Variants in FRMD4B observed in about 807,000 individuals in gnomAD.
The protein encoded by FRMD4B is FERM domain containing 4B.
In FRMD4B, 74 loss-of-function variants were observed where a neutral mutation model predicts 141.5. That is an observed-to-expected ratio of 0.52 (90% confidence interval 0.43 to 0.63). FRMD4B has a LOEUF of 0.63. Ranked by LOEUF, FRMD4B falls within the 30% of genes least tolerant of loss-of-function variation. FRMD4B has a pLI of 0.00. For synonymous variants in FRMD4B, 506 were observed against 467.9 expected (o/e 1.08, Z -1.05); for missense variants, 1,366 against 1,253.4 (o/e 1.09, Z -1.36).
At position 69,278,776 on chromosome 3, in the gene FRMD4B, A is replaced by G. The variant is rs375228828; in HGVS notation, c.501+8976T>C. Among the ~76,000 whole-genome samples, 147 of 151,768 alleles carry G rather than the reference A, an allele frequency of 9.7e-4. 3 individuals are homozygous for G. Among genetic ancestry groups the G allele is most frequent in the African/African-American group, 3.3e-3 (138 of 41,354 alleles). On this transcript the variant is annotated intron_variant, in intron 5 of 22. Transcript: ENST00000398540. ...TAATTTTTTTTTATTTTTTGTAGAG[A>G]CGGGGTTTCACCACGTTGTCCAGGC...
intron 1 of FRMD4B, among the ~76,000 whole-genome samples, chr3:69,445,670 C>A (rs1176504401): frequency 1.3e-5 from 2 of 152,186 alleles, no homozygotes; most frequent in African/African-American, 4.8e-5. Context: ...CAAGTCCATT[C>A]TCACTGCAGG....
At chr3:69,283,477 A>G (rs1318197890) in intron 5 of FRMD4B, among the ~76,000 whole-genome samples, 1 of 151,700 alleles carries the variant, frequency 6.6e-6, no homozygotes, top group Non-Finnish European at 1.5e-5. Flanking sequence ...ACTGACATTC[A>G]TGAAATGCAG....
intron 1 of FRMD4B, chr3:69,353,839 A>G (rs181516150): frequency 3.0e-6 from 1 of 330,482 alleles, no homozygotes; most frequent in East Asian, 1.7e-4. Context: ...AAACAACTAA[A>G]AAACTTCTGC....
chr3:69,272,842 A>T (rs1226637696), intron 5 of FRMD4B, among the ~76,000 whole-genome samples: 2 of 152,232 alleles, frequency 1.3e-5, no homozygotes, highest in African/African-American at 2.4e-5. Context: ...GGCATTATAA[A>T]TATGGATAGT....
Position 69,201,683 on chromosome 3 carries a change from T to C in FRMD4B, c.877-2909A>G, listed in dbSNP as rs116106599. Among the ~76,000 whole-genome samples the C allele has an allele frequency of 5.2e-3, 787 of 152,312 alleles. 9 individuals are homozygous for C. The highest frequency in any genetic ancestry group is 0.018 in the African/African-American group (758 of 41,566). On this transcript the variant is annotated intron_variant, in intron 11 of 22. Transcript: ENST00000398540. ...TGCTGAAATCATTCTCCTACTGTGT[T>C]TTTTATTTCTGGACTCTTCATATCC...
chr3:69,223,477 T>C (rs2093218407), intron 8 of FRMD4B, among the ~76,000 whole-genome samples: 1 of 152,204 alleles, frequency 6.6e-6, no homozygotes, highest in South Asian at 2.1e-4. Flanking sequence ...ATTGTGCCAT[T>C]ATATTCCAGC....
rs879598264 is a variant in FRMD4B at position 69,192,823 on chromosome 3, C to CT, written c.1714+824dup. On this transcript the variant is annotated intron_variant, in intron 17 of 22. Transcript: ENST00000398540. Reference sequence around the variant, plus strand: ...TATCTTTATTTTTTAATTTTGTTCACTTTTTTTTTTTTGAGGCAGGGTCTT... The same window carrying CT: ...TATCTTTATTTTTTAATTTTGTTCACTTTTTTTTTTTTTGAGGCAGGGTCTT... Among the ~76,000 whole-genome samples, 959 of 144,612 alleles carry CT rather than the reference C, an allele frequency of 6.6e-3. 7 individuals are homozygous for CT. Among genetic ancestry groups the CT allele is most frequent in the East Asian group, 0.013 (63 of 5,000 alleles). The allele number at this position is 144,612 out of a possible 152,430, so 94.9% of individuals were successfully genotyped here. A position where few individuals can be genotyped will look rare whatever the true frequency, so the allele number is the denominator to read the frequency against.
intron 1 of FRMD4B, among the ~76,000 whole-genome samples, chr3:69,351,433 TTAG>T (rs550412811): frequency 1.1e-3 from 173 of 152,312 alleles, no homozygotes; most frequent in African/African-American, 3.9e-3. Flanking sequence ...AGAAAGTGTT[TTAG>T]TATGGTTTTA....
chr3:69,185,322 G>GAAA (rs1201525604), intron 19 of FRMD4B, among the ~76,000 whole-genome samples: 1 of 140,604 alleles, frequency 7.1e-6, no homozygotes, highest in Non-Finnish European at 1.6e-5. Flanking sequence ...AAAAAGAAAA[G>GAAA]AAAAAAAGAA....
At chr3:69,341,285 A>T (rs1291639479) in intron 1 of FRMD4B, among the ~76,000 whole-genome samples, 12 of 152,154 alleles carry the variant, frequency 7.9e-5, no homozygotes, top group Admixed American at 7.9e-4. Flanking sequence ...ACTGAAAAAA[A>T]TCTCTGCAGA....
chr3:69,437,642 TATAC>T (rs1311604068), intron 1 of FRMD4B, among the ~76,000 whole-genome samples: 1 of 135,742 alleles, frequency 7.4e-6, no homozygotes, highest in Non-Finnish European at 1.5e-5. Flanking sequence ...ATACTATATA[TATAC>T]AGAGAAAGTT....
At chr3:69,413,058 C>CTA (rs1704787540) in intron 2 of FRMD4B, among the ~76,000 whole-genome samples, 1 of 151,836 alleles carries the variant, frequency 6.6e-6, no homozygotes, top group South Asian at 2.1e-4. Context: ...ATTCCATTGT[C>CTA]TATGATAATG....
At chr3:69,223,821 T>G (rs1344553763) in intron 8 of FRMD4B, among the ~76,000 whole-genome samples, 1 of 152,142 alleles carries the variant, frequency 6.6e-6, no homozygotes, top group Non-Finnish European at 1.5e-5. Context: ...AGAGCAAGAC[T>G]CTGTCTCAAA....
At chr3:69,176,789 C>T in intron 21 of FRMD4B, 133 bp from the exon 22 acceptor site, 1 of 626,484 alleles carries the variant, frequency 1.6e-6, no homozygotes, top group Non-Finnish European at 2.8e-6. Context: ...TAACAGAGTT[C>T]CTATTCCAAT....
Position 69,472,256 on chromosome 3 carries a change from C to G in FRMD4B, c.-128-39495G>C, listed in dbSNP as rs1705905113. The G allele has an allele frequency of 1.5e-5, 5 of 333,072 alleles. No individual in the cohort carries two copies. In the South Asian group the frequency reaches 1.6e-4, roughly 11 times the overall value. The allele number at this position is 333,072 out of a possible 1,614,324, so 20.6% of individuals were successfully genotyped here. On this transcript the variant is annotated intron_variant, in intron 1 of 5. Transcript: ENST00000459638. ...GAGACTGTGAGTTCAGCATGTCCAG[C>G]CTTCCTTGTTGGCTGTTGTTTATGT...
chr3:69,399,837 C>A (rs1178259432), intron 2 of FRMD4B, among the ~76,000 whole-genome samples: 1 of 152,164 alleles, frequency 6.6e-6, no homozygotes, highest in Non-Finnish European at 1.5e-5. Flanking sequence ...GATTTTGACA[C>A]CAGACCATAA....
At chr3:69,540,660 T>TATATACACACACACACAC (rs1241897477) in intron 1 of FRMD4B, among the ~76,000 whole-genome samples, 2 of 56,874 alleles carry the variant, frequency 3.5e-5, no homozygotes, top group African/African-American at 2.1e-4. Context: ...TATATATATA[T>TATATACACACACACACAC]ACACACACAC....
chr3:69,510,285 T>C (rs1015108134), intron 1 of FRMD4B, among the ~76,000 whole-genome samples: 5 of 152,032 alleles, frequency 3.3e-5, no homozygotes, highest in Non-Finnish European at 5.9e-5. Flanking sequence ...CATAAAACAA[T>C]AGTGTCAGAA....
intron 2 of FRMD4B, among the ~76,000 whole-genome samples, chr3:69,412,378 G>C (rs771538559): frequency 1.3e-5 from 2 of 152,158 alleles, no homozygotes; most frequent in Non-Finnish European, 2.9e-5. Context: ...GTGGTGGACT[G>C]GTCAACTTTC....
Sources: gnomAD v4.1 joint callset for allele counts (sites outside exome capture counted in the v4.1 genomes callset) on GRCh38, gnomAD v4.1.1 for gene constraint, MANE v1.5 for transcripts, NCBI Gene and HGNC (gene_info 2026-07-23, HGNC 2026-07-21) for gene names.